Variants in TOP1 observed in about 807,000 individuals in gnomAD.
TOP1 encodes DNA topoisomerase 1.
Under a neutral mutation model 111.1 loss-of-function variants are expected in TOP1, and 10 were observed. The ratio of observed to expected loss-of-function variants is 0.09; its 90% CI spans 0.06 to 0.15. The LOEUF is 0.15. Ranked by LOEUF, TOP1 falls within the 10% of genes least tolerant of loss-of-function variation. The pLI, the probability that TOP1 is intolerant of heterozygous loss-of-function variation, is 1.00. For missense variants in TOP1, 474 were observed against 926.7 expected (o/e 0.51, Z 6.34); for synonymous variants, 271 against 302.9 (o/e 0.89, Z 1.10).
At chr20:41,104,222 G>A (rs1002267512) in intron 13 of TOP1, among the ~76,000 whole-genome samples, 2 of 152,232 alleles carry the variant, frequency 1.3e-5, no homozygotes, top group Middle Eastern at 6.8e-3. Context: ...CCACCAACCT[G>A]GGATTTAAAG....
At chr20:41,099,968 C>T (rs995571342) in intron 11 of TOP1, 88 bp from the exon 12 acceptor site, 4 of 871,542 alleles carry the variant, frequency 4.6e-6, no homozygotes, top group Non-Finnish European at 5.0e-6. Flanking sequence ...TTTCCTCTAC[C>T]TTGACTTAGT....
In TOP1 at chr20:41,061,322, C is replaced by T. The variant is rs2033541616; in HGVS notation, c.59-72C>T. ...GAATCCTGTCATTGTACTTCTTGAC[C>T]AGCTTGTCAAGGTAGGCATACAGAA... On this transcript the variant is annotated intron_variant, in intron 2 of 20. Transcript: ENST00000361337. The surrounding 1 kb of genome is among the most constrained non-coding windows in gnomAD (Gnocchi z 4.6). 1.4e-6 allele frequency: 2 copies of T among 1,404,152 alleles called. No homozygotes were observed. The highest frequency in any genetic ancestry group is 1.7e-5 in the Admixed American group (1 of 57,212). The allele number at this position is 1,404,152 out of a possible 1,614,324, so 87.0% of individuals were successfully genotyped here.
rs1331102665 is a variant in TOP1 at position 41,109,850 on chromosome 20, C to T, written c.1309-2932C>T. Among the ~76,000 whole-genome samples, 1 of 152,178 alleles carries T rather than the reference C, an allele frequency of 6.6e-6. No individual in the cohort carries two copies. The highest frequency in any genetic ancestry group is 2.4e-5 in the African/African-American group (1 of 41,432). On this transcript the variant is annotated intron_variant, in intron 13 of 20. Transcript: ENST00000361337. The surrounding 1 kb of genome is among the most constrained non-coding windows in gnomAD (Gnocchi z 4.1). ...AAAACTTGTACAAGAATGTTCATAG[C>T]AGTGCTCTATTCATAAGAGTGCAAA...
At chr20:41,065,749 A>C (rs1201778702) in intron 3 of TOP1, among the ~76,000 whole-genome samples, 1 of 152,030 alleles carries the variant, frequency 6.6e-6, no homozygotes, top group Non-Finnish European at 1.5e-5. Context: ...ATTCTTTTTT[A>C]TGACTGAATT....
At chr20:41,054,550 C>T (rs1442414293) in intron 2 of TOP1, among the ~76,000 whole-genome samples, 1 of 152,190 alleles carries the variant, frequency 6.6e-6, no homozygotes, top group Non-Finnish European at 1.5e-5. Flanking sequence ...GGGACTATTT[C>T]TCTATCGTAA....
rs927257412 is a variant in TOP1, at chr20:41,124,243, C to G, written c.*946C>G. 1 of 232,580 alleles carries G rather than the reference C, an allele frequency of 4.3e-6. No individual in the cohort carries two copies. The highest frequency in any genetic ancestry group is 2.2e-5 in the African/African-American group (1 of 45,216). The allele number at this position is 232,580 out of a possible 1,614,324, so 14.4% of individuals were successfully genotyped here. On this transcript the variant is annotated 3_prime_UTR_variant, in exon 21 of 21. Transcript: ENST00000361337. The surrounding 1 kb of genome is among the most constrained non-coding windows in gnomAD (Gnocchi z 5.4). ...TTGGTCCAAAAAAAGGAAAAATAAT[C>G]AAGATTTTAGGGCTTTTATTTTTTC...
intron 3 of TOP1, among the ~76,000 whole-genome samples, chr20:41,068,385 C>T (rs968023899): frequency 5.9e-5 from 9 of 152,252 alleles, no homozygotes; most frequent in South Asian, 4.2e-4. Context: ...TTTCTGTTAG[C>T]GTTAATATTT....
intron 8 of TOP1, among the ~76,000 whole-genome samples, chr20:41,091,035 T>C (rs2033914002): frequency 6.6e-6 from 1 of 152,210 alleles, no homozygotes; most frequent in Non-Finnish European, 1.5e-5. Flanking sequence ...TCTTTCTCCA[T>C]TGAATGGTCT....
intron 2 of TOP1, among the ~76,000 whole-genome samples, chr20:41,033,435 C>T (rs528143643): frequency 6.7e-6 from 1 of 150,054 alleles, no homozygotes; most frequent in South Asian, 2.1e-4. Flanking sequence ...GTTGGAAAGA[C>T]ATTCATTAGT....
chr20:41,056,475 G>A (rs1464693658), intron 2 of TOP1, among the ~76,000 whole-genome samples: 1 of 152,054 alleles, frequency 6.6e-6, no homozygotes, highest in Admixed American at 6.6e-5. Context: ...AGCACACATA[G>A]CACATGTAAT....
Position 41,114,740 on chromosome 20 carries a change from G to A in TOP1, c.1638+585G>A, listed in dbSNP as rs1027717677. On this transcript the variant is annotated intron_variant, in intron 15 of 20. Coordinates refer to ENST00000361337, the MANE Select transcript of TOP1 (RefSeq NM_003286.4). The surrounding 1 kb of genome is among the most constrained non-coding windows in gnomAD (Gnocchi z 4.5). ...TCCCCAGATCTCTGAGCCCATCACT[G>A]AAGAGGGTACTATAGCTCTGTAGTC... is the stretch of plus-strand genomic sequence containing the variant. Among the ~76,000 whole-genome samples, 10 of 152,306 alleles carry A rather than the reference G, an allele frequency of 6.6e-5. No homozygotes were observed. The highest frequency in any genetic ancestry group is 2.4e-4 in the African/African-American group (10 of 41,566).
chr20:41,079,920 C>G lies in TOP1; in HGVS notation c.336-165C>G, dbSNP rs947272963. Among the ~76,000 whole-genome samples the G allele has an allele frequency of 6.6e-6, 1 of 152,218 alleles. No homozygotes were observed. Among genetic ancestry groups the G allele is most frequent in the East Asian group, 1.9e-4 (1 of 5,196 alleles). ...CAATGAGGACAAATACTATCTACTT[C>G]ACAGGATTGAAGTGAGAAAAAGTGC... On this transcript the variant is annotated intron_variant, in intron 5 of 20. Coordinates refer to ENST00000361337, the MANE Select transcript of TOP1 (RefSeq NM_003286.4). This position sits in a 1 kb window ranked among gnomAD's most constrained non-coding sequence, Gnocchi z 4.0.
At chr20:41,074,184 C>CTT (rs554491791) in intron 3 of TOP1, among the ~76,000 whole-genome samples, 2 of 145,636 alleles carry the variant, frequency 1.4e-5, no homozygotes, top group Non-Finnish European at 3.0e-5. Flanking sequence ...AATTGGAAGA[C>CTT]TTTTTTTTTT....
Position 41,080,259 on chromosome 20 carries a change from AATAC to A in TOP1, c.431+83_431+86del. 1.2e-6 allele frequency: 1 copy of A among 830,638 alleles called. No homozygotes were observed. The highest frequency in any genetic ancestry group is 1.7e-5 in the African/African-American group (1 of 57,666). The allele number at this position is 830,638 out of a possible 1,614,324, so 51.5% of individuals were successfully genotyped here. ...GAATAAATGTGATGTGTTTCTTTAT[AATAC>A]ATATAGAAACTGCATTAATTGGCTT... On this transcript the variant is annotated intron_variant, in intron 6 of 20. Coordinates refer to ENST00000361337, the MANE Select transcript of TOP1 (RefSeq NM_003286.4). The surrounding 1 kb of genome is among the most constrained non-coding windows in gnomAD (Gnocchi z 5.0).
At chr20:41,119,518 A>T (rs1206990076) in intron 18 of TOP1, among the ~76,000 whole-genome samples, 1 of 152,230 alleles carries the variant, frequency 6.6e-6, no homozygotes, top group Non-Finnish European at 1.5e-5. Context: ...ATTTTTTCTC[A>T]TCCAAGTTCA....
chr20:41,115,316 C>A lies in TOP1; in HGVS notation c.1639-55C>A, dbSNP rs1331417315. On this transcript the variant is annotated intron_variant, in intron 15 of 20. Transcript: ENST00000361337. This position sits in a 1 kb window ranked among gnomAD's most constrained non-coding sequence, Gnocchi z 6.3. ...AGTTTCTTTAAGTTTGGGGTTATTT[C>A]TAAAGTTAGGATTTTTTTCAAGAGT... 10 of 1,319,716 alleles carry A rather than the reference C, an allele frequency of 7.6e-6. No individual in the cohort carries two copies. The highest frequency in any genetic ancestry group is 1.8e-4 in the Middle Eastern group (1 of 5,436). The allele number at this position is 1,319,716 out of a possible 1,614,324, so 81.8% of individuals were successfully genotyped here. A position where few individuals can be genotyped will look rare whatever the true frequency, so the allele number is the denominator to read the frequency against.
At position 41,029,458 on chromosome 20, in the gene TOP1, G is replaced by C. The variant is rs772664732; in HGVS notation, c.58+3G>C. 7 of 1,523,588 alleles carry C rather than the reference G, an allele frequency of 4.6e-6. No homozygotes were observed. The highest frequency in any genetic ancestry group is 6.2e-6 in the Non-Finnish European group (7 of 1,136,606). The allele number at this position is 1,523,588 out of a possible 1,614,324, so 94.4% of individuals were successfully genotyped here. A position where few individuals can be genotyped will look rare whatever the true frequency, so the allele number is the denominator to read the frequency against. On this transcript the variant is annotated splice_donor_region_variant and intron_variant, in intron 2 of 20. Transcript: ENST00000361337. The surrounding 1 kb of genome is among the most constrained non-coding windows in gnomAD (Gnocchi z 6.1). The stretch of plus-strand genomic sequence containing the variant: ...CGAAGCGGATTTCCGATTGAATGGT[G>C]AGTGTGCCCCCTGCGCCGACTCCGG...
intron 3 of TOP1, chr20:41,073,060 G>A (rs1247083007): frequency 2.0e-6 from 2 of 985,224 alleles, no homozygotes; most frequent in Non-Finnish European, 1.2e-6. Flanking sequence ...AGGAAATATC[G>A]TTGACTTTTG....
At chr20:41,050,306 C>T (rs2033389081) in intron 2 of TOP1, among the ~76,000 whole-genome samples, 2 of 152,258 alleles carry the variant, frequency 1.3e-5, no homozygotes, top group South Asian at 4.1e-4. Flanking sequence ...GCATGAGCCA[C>T]TGCTCCCAGC....
Sources: allele counts gnomAD v4.1 joint callset (sites outside exome capture counted in the v4.1 genomes callset), GRCh38; gene constraint gnomAD v4.1.1; non-coding constraint Gnocchi (gnomAD v3.1); transcripts MANE v1.5; gene names NCBI Gene and HGNC (gene_info 2026-07-23, HGNC 2026-07-21).